KMT2D: variants seen among roughly 807,000 people sequenced by gnomAD.
KMT2D encodes histone-lysine N-methyltransferase 2D.
A neutral mutation model predicts 512.7 loss-of-function variants in KMT2D; 55 were observed. That is an observed-to-expected ratio of 0.11 (90% confidence interval 0.09 to 0.13). KMT2D has a LOEUF of 0.13. KMT2D is among the 10% of genes least tolerant of loss of function. KMT2D has a pLI of 1.00. For synonymous variants in KMT2D, 2,995 were observed against 2,904.0 expected (o/e 1.03, Z -1.01); for missense variants, 6,061 against 7,127.9 (o/e 0.85, Z 5.39).
At chr12:49,055,179 T>C (rs768084231) in intron 2 of KMT2D, 97 bp downstream of exon 2, 1 of 1,539,980 alleles carries the variant, frequency 6.5e-7, no homozygotes, top group Non-Finnish European at 9.0e-7. Context: ...CCATTACTTA[T>C]CTGCTACATA....
chr12:49,030,983 C>T lies in KMT2D; in HGVS notation c.13581G>A (p.Lys4527=), dbSNP rs753474840. Residue 4527 remains lysine, a synonymous_variant, in exon 41 of 55, where the codon AAG becomes AAA. Transcript: ENST00000301067. ...GGGAGCTCACCAACCTGTCGCTTGC[C>T]TTCTGTACCCGCTTGGGCTTCGGTG... ...PLTPKPKRVQ[K]ASDRLVSSRK... The T allele has an allele frequency of 2.2e-5, 36 of 1,613,878 alleles. No homozygotes were observed. In the Admixed American group the frequency reaches 5.3e-4, roughly 24 times the overall value.
chr12:49,034,711 A>T (rs2120458591), intron 36 of KMT2D, 45 bp from the exon 37 acceptor site: 1 of 1,606,530 alleles, frequency 6.2e-7, no homozygotes, highest in Non-Finnish European at 8.5e-7. Flanking sequence ...GCAATAAGAA[A>T]GTTGGAAAGC....
Position 49,032,016 on chromosome 12 carries a change from T to G in KMT2D, c.12689A>C (p.Gln4230Pro). ...GCGTACTGCCTGACTCTGCTGCAGC[T>G]GCCGCTGCATGAGGAGTGCCTGTAG... ...QQLQALLMQR[Q>P]LQQSQAVRQT... The change falls in exon 40 of 55, where the codon CAG becomes CCG. Residue 4230 changes from glutamine (Q) to proline (P), a missense_variant. Physicochemically the swap from Gln to Pro is moderately conservative, Grantham distance 76. This residue lies in a region of KMT2D where 1,600 missense variants were observed against 1,754.9 expected (regional missense o/e 0.91). Coordinates refer to ENST00000301067, the MANE Select transcript of KMT2D (RefSeq NM_003482.4). 1 of 1,608,498 alleles carries G rather than the reference T, an allele frequency of 6.2e-7. No individual in the cohort carries two copies. The highest frequency in any genetic ancestry group is 8.5e-7 in the Non-Finnish European group (1 of 1,176,296).
Position 49,032,150 on chromosome 12 carries a change from C to A in KMT2D, c.12555G>T (p.Leu4185=). 1 of 1,613,590 alleles carries A rather than the reference C, an allele frequency of 6.2e-7. No individual in the cohort carries two copies. The highest frequency in any genetic ancestry group is 8.5e-7 in the Non-Finnish European group (1 of 1,179,642). Residue 4185 remains leucine (L), a synonymous_variant, in exon 40 of 55, where the codon CTG becomes CTT. Coordinates refer to ENST00000301067, the MANE Select transcript of KMT2D (RefSeq NM_003482.4). ...PGPVLQSGQG[L]PGVGIMPTVG... ...CCGTAGGCATGATTCCAACCCCAGG[C>A]AGACCCTGCCCAGACTGGAGGACAG...
chr12:49,028,012 G>A lies in KMT2D; in HGVS notation c.14512C>T (p.Pro4838Ser), dbSNP rs2120377911. 1 of 1,613,644 alleles carries A rather than the reference G, an allele frequency of 6.2e-7. No individual in the cohort carries two copies. The highest frequency in any genetic ancestry group is 8.5e-7 in the Non-Finnish European group (1 of 1,179,734). Residue 4838 changes from proline (P) to serine (S), a missense_variant, in exon 47 of 55, where the codon CCT (proline) becomes TCT (serine). Pro to Ser is a moderately conservative substitution (Grantham distance 74). Around this residue, in one of 16 missense-constraint regions of KMT2D, gnomAD observed 1,600 missense variants for 1,754.9 expected, o/e 0.91. Coordinates refer to ENST00000301067, the MANE Select transcript of KMT2D (RefSeq NM_003482.4). Reference sequence around the variant, plus strand: ...AGGGCTTCCCTGCCACACTCACCAGGACCCTCAGCTTCCCCCTTCTTTGGC... The same window carrying A: ...AGGGCTTCCCTGCCACACTCACCAGAACCCTCAGCTTCCCCCTTCTTTGGC... ...TEPKKGEAEGPGGKEKGLEGK... is the reference protein window; with the variant it reads ...TEPKKGEAEGSGGKEKGLEGK...
At position 49,043,643 on chromosome 12, in the gene KMT2D, G is replaced by A. The variant is rs768310132; in HGVS notation, c.5459C>T (p.Ser1820Leu). 19 of 1,613,880 alleles carry A rather than the reference G, an allele frequency of 1.2e-5. No individual in the cohort carries two copies. Among genetic ancestry groups the A allele is most frequent in the African/African-American group, 2.7e-5 (2 of 74,938 alleles). Residue 1820 changes from serine (S) to leucine (L), a missense_variant, in exon 24 of 55, where the codon TCG (serine) becomes TTG (leucine). Physicochemically the swap from Ser to Leu is moderately radical, Grantham distance 145. Transcript: ENST00000301067. ...GGSERKELPT[S>L]QKGDDGPDIA... ...ACTCCCACATAACTAACCTTTCTGC[G>A]ATGTGGGGAGTTCCTTCCTTTCTGA... is the stretch of plus-strand genomic sequence containing the variant.
At chr12:49,055,229 G>C in intron 2 of KMT2D, 47 bp downstream of exon 2, 1 of 1,603,676 alleles carries the variant, frequency 6.2e-7, no homozygotes, top group Non-Finnish European at 8.5e-7. Flanking sequence ...AGAAATGTAA[G>C]GTTGCCAATG....
Position 49,042,940 on chromosome 12 carries a change from T to C in KMT2D, c.5645-62A>G. The stretch of plus-strand genomic sequence containing the variant: ...GGAAGTTCAGGTGACACCACAGGTC[T>C]ACAAATGATCATGGCCAGGAACAGT... On this transcript the variant is annotated intron_variant, in intron 26 of 54. Transcript: ENST00000301067. This position sits in a 1 kb window ranked among gnomAD's most constrained non-coding sequence, Gnocchi z 4.4. 3.1e-6 allele frequency: 5 copies of C among 1,604,096 alleles called. No homozygotes were observed. Among genetic ancestry groups the C allele is most frequent in the Non-Finnish European group, 4.3e-6 (5 of 1,172,544 alleles).
rs754277787 is a variant in KMT2D at position 49,054,356 on chromosome 12, C to T, written c.461G>A (p.Gly154Asp). ...AWSAGVWGQE[G>D]PELCGVDKAI... The stretch of plus-strand genomic sequence containing the variant: ...CTTGTCCACACCACATAGTTCTGGG[C>T]CCTCCTGCCCCCATACGCCTGCCGA... Residue 154 changes from glycine to aspartate, a missense_variant, in exon 5 of 55, where the codon GGC (glycine) becomes GAC (aspartate). By Grantham distance (94) the Gly-to-Asp change is moderately conservative. Around this residue, in one of 16 missense-constraint regions of KMT2D, gnomAD observed 160 missense variants for 225.8 expected, o/e 0.71. Transcript: ENST00000301067. The surrounding 1 kb of genome is among the most constrained non-coding windows in gnomAD (Gnocchi z 6.4). The T allele has an allele frequency of 1.9e-6, 3 of 1,597,200 alleles. No individual in the cohort carries two copies. The Admixed American group carries it at 5.2e-5, about 28-fold the overall frequency.
chr12:49,047,823 G>T, intron 15 of KMT2D, 142 bp downstream of exon 15: 1 of 594,210 alleles, frequency 1.7e-6, no homozygotes, highest in Non-Finnish European at 3.1e-6. Flanking sequence ...TTTTCCCCAA[G>T]AAAAGTTTGA....
At position 49,032,100 on chromosome 12, in the gene KMT2D, T is replaced by G. The variant is rs1276517318; in HGVS notation, c.12605A>C (p.Gln4202Pro). Reference protein sequence around the residue: ...PTVGQLRAQLQGVLAKNPQLR... With the variant: ...PTVGQLRAQLPGVLAKNPQLR... The stretch of plus-strand genomic sequence containing the variant: ...CTGTGGGTTTTTGGCCAGGACTCCT[T>G]GGAGCTGTGCTCGAAGCTGACCCAC... The change falls in exon 40 of 55, where the codon CAA becomes CCA. Residue 4202 changes from glutamine (Q) to proline (P), a missense_variant. Physicochemically the swap from Gln to Pro is moderately conservative, Grantham distance 76. Coordinates refer to ENST00000301067, the MANE Select transcript of KMT2D (RefSeq NM_003482.4). The G allele has an allele frequency of 6.2e-7, 1 of 1,613,718 alleles. No homozygotes were observed. The highest frequency in any genetic ancestry group is 1.7e-5 in the Admixed American group (1 of 60,008).
Position 49,043,125 on chromosome 12 carries a change from G to A in KMT2D, c.5595C>T (p.Thr1865=), listed in dbSNP as rs2120563910. Residue 1865 remains threonine (T), a synonymous_variant, in exon 26 of 55, where the codon ACC becomes ACT. Coordinates refer to ENST00000301067, the MANE Select transcript of KMT2D (RefSeq NM_003482.4). The part of the protein sequence containing the change: ...PVPSDPEKPG[T]PGEGMLSSDL... ...CAGAGCTAAGCATCCCTTCACCTGGGGTGCCTGGCTTCTCAGGGTCACTGG... is the reference window on the plus strand; with the variant it reads ...CAGAGCTAAGCATCCCTTCACCTGGAGTGCCTGGCTTCTCAGGGTCACTGG... 2 of 1,613,912 alleles carry A rather than the reference G, an allele frequency of 1.2e-6. No individual in the cohort carries two copies. The highest frequency in any genetic ancestry group is 1.7e-6 in the Non-Finnish European group (2 of 1,179,834).
In KMT2D at chr12:49,050,204, A is replaced by C. The variant is rs2120647126; in HGVS notation, c.3384T>G (p.Ile1128Met). 1 of 1,613,820 alleles carries C rather than the reference A, an allele frequency of 6.2e-7. No individual in the cohort carries two copies. Among genetic ancestry groups the C allele is most frequent in the Non-Finnish European group, 8.5e-7 (1 of 1,179,862 alleles). Reference protein sequence around the residue: ...LGEDTAPLDGIDAPGSQPEPG... With the variant: ...LGEDTAPLDGMDAPGSQPEPG... The stretch of plus-strand genomic sequence containing the variant: ...GCTCTGGCTGTGAACCCGGAGCATC[A>C]ATCCCATCCAGAGGGGCTGTGTCTT... Residue 1128 changes from isoleucine (I) to methionine (M), a missense_variant, in exon 12 of 55, where the codon ATT (isoleucine) becomes ATG (methionine). Physicochemically the swap from Ile to Met is conservative, Grantham distance 10. Around this residue, in one of 16 missense-constraint regions of KMT2D, gnomAD observed 447 missense variants for 500.1 expected, o/e 0.89. Transcript: ENST00000301067.
rs1195207746 is a variant in KMT2D at position 49,031,649 on chromosome 12, C to A, written c.13056G>T (p.Glu4352Asp). ...GTPKPQGPTL[E>D]PPPGRVSPAA... ...CAGGTGAGACCCTCCCAGGAGGCGG[C>A]TCCAAGGTTGGCCCCTGAGGTTTGG... The change falls in exon 40 of 55, where the codon GAG becomes GAT. Residue 4352 changes from glutamate to aspartate, a missense_variant. Physicochemically the swap from Glu to Asp is conservative, Grantham distance 45. Coordinates refer to ENST00000301067, the MANE Select transcript of KMT2D (RefSeq NM_003482.4). The A allele has an allele frequency of 6.2e-7, 1 of 1,607,188 alleles. No homozygotes were observed. Among genetic ancestry groups the A allele is most frequent in the Admixed American group, 1.7e-5 (1 of 58,748 alleles).
chr12:49,056,214 A>C (rs1938398735), intron 1 of KMT2D, among the ~76,000 whole-genome samples: 1 of 152,188 alleles, frequency 6.6e-6, no homozygotes, highest in Non-Finnish European at 1.5e-5. Context: ...CACTCAGAGG[A>C]GTTCTAAACA....
chr12:49,042,985 A>C lies in KMT2D; in HGVS notation c.5644+91T>G. ...AACAGTCCAGGACTCCCCACCAGAG[A>C]AGCTGTACAGATCACAGTCCCAAAG... is the stretch of plus-strand genomic sequence containing the variant. On this transcript the variant is annotated intron_variant, in intron 26 of 54. Coordinates refer to ENST00000301067, the MANE Select transcript of KMT2D (RefSeq NM_003482.4). This position sits in a 1 kb window ranked among gnomAD's most constrained non-coding sequence, Gnocchi z 4.4. The C allele has an allele frequency of 1.3e-6, 2 of 1,565,898 alleles. No homozygotes were observed. The highest frequency in any genetic ancestry group is 1.8e-6 in the Non-Finnish European group (2 of 1,138,744).
At position 49,050,298 on chromosome 12, in the gene KMT2D, G is replaced by A. The variant is rs1156469913; in HGVS notation, c.3290C>T (p.Pro1097Leu). ...EPSATSPLPSPMGDLSCPAPS... is the reference protein window; with the variant it reads ...EPSATSPLPSLMGDLSCPAPS... ...GGCGGGGCAGGAAAGGTCCCCCATTGGGGAAGGGAGAGGACTGGTGGCACT... is the reference window on the plus strand; with the variant it reads ...GGCGGGGCAGGAAAGGTCCCCCATTAGGGAAGGGAGAGGACTGGTGGCACT... The change falls in exon 12 of 55, where the codon CCA becomes CTA. Residue 1097 changes from proline to leucine, a missense_variant. By Grantham distance (98) the Pro-to-Leu change is moderately conservative (BLOSUM62 -3). This residue lies in a region of KMT2D where 447 missense variants were observed against 500.1 expected (regional missense o/e 0.89). Coordinates refer to ENST00000301067, the MANE Select transcript of KMT2D (RefSeq NM_003482.4). The A allele has an allele frequency of 3.1e-6, 5 of 1,611,314 alleles. No individual in the cohort carries two copies. Among genetic ancestry groups the A allele is most frequent in the Non-Finnish European group, 4.2e-6 (5 of 1,178,674 alleles).
Position 49,021,739 on chromosome 12 carries a change from G to A in KMT2D, c.*41C>T. On this transcript the variant is annotated 3_prime_UTR_variant, in exon 55 of 55. Transcript: ENST00000301067. The stretch of plus-strand genomic sequence containing the variant: ...CCTCATCCCTTTCAGGGAAGAGGTT[G>A]TGGGTAGGGGGACTCCCCTGCCTGG... The A allele has an allele frequency of 1.4e-6, 2 of 1,474,986 alleles. No homozygotes were observed. The highest frequency in any genetic ancestry group is 2.3e-5 in the East Asian group (1 of 44,234). 91.4% of individuals were successfully genotyped at this position (1,474,986 alleles called of 1,614,324 possible). A position where few individuals can be genotyped will look rare whatever the true frequency, so the allele number is the denominator to read the frequency against.
rs774869767 is a variant in KMT2D at position 49,032,060 on chromosome 12, A to G, written c.12645T>C (p.Ser4215=). Residue 4215 remains serine, a synonymous_variant, in exon 40 of 55, where the codon AGT becomes AGC. Transcript: ENST00000301067. ...LAKNPQLRHL[S]PQQQQQLQAL... is the part of the protein sequence containing the mutation. ...CCTGTAGCTGCTGCTGCTGCTGAGGACTTAAGTGCCGCAGCTGTGGGTTTT... is the reference window on the plus strand; with the variant it reads ...CCTGTAGCTGCTGCTGCTGCTGAGGGCTTAAGTGCCGCAGCTGTGGGTTTT... 6 of 1,612,808 alleles carry G rather than the reference A, an allele frequency of 3.7e-6. No individual in the cohort carries two copies. Among genetic ancestry groups the G allele is most frequent in the Non-Finnish European group, 5.1e-6 (6 of 1,179,362 alleles).
Sources: gnomAD v4.1 joint callset for allele counts (sites outside exome capture counted in the v4.1 genomes callset) on GRCh38, gnomAD v4.1.1 for gene constraint, gnomAD v4.1.1 regional missense constraint, Gnocchi (gnomAD v3.1) non-coding constraint, MANE v1.5 for transcripts, NCBI Gene and HGNC (gene_info 2026-07-23, HGNC 2026-07-21) for gene names.